The following TC2N variants were observed in gnomAD, a reference collection of about 807,000 sequenced individuals.
The protein encoded by TC2N is tandem C2 domains, nuclear.
TC2N carries 51 observed loss-of-function variants against 61.9 expected under a neutral mutation model. That is an observed-to-expected ratio of 0.82 (90% CI 0.66 to 1.04). The LOEUF (loss-of-function observed/expected upper bound fraction) is 1.04, where lower values mean the gene tolerates loss of function less well. TC2N is among the 50% of genes least tolerant of loss of function. The probability of loss-of-function intolerance (pLI) is 0.00; values close to 1 mark genes in which losing one functional copy is unlikely to be tolerated. For missense variants in TC2N, 556 were observed against 566.7 expected (o/e 0.98, Z 0.19); for synonymous variants, 204 against 192.6 (o/e 1.06, Z -0.49).
intron 1 of TC2N, among the ~76,000 whole-genome samples, chr14:91,820,851 A>G (rs934186738): frequency 3.3e-5 from 5 of 152,078 alleles, no homozygotes; most frequent in African/African-American, 1.2e-4. Context: ...AATTCCATTC[A>G]TAATAACATT....
At chr14:91,811,269 G>A (rs1445941087) in intron 3 of TC2N, among the ~76,000 whole-genome samples, 56 of 152,072 alleles carry the variant, frequency 3.7e-4, no homozygotes. Context: ...ATAGAAGAAT[G>A]GATAGGTAGA....
At chr14:91,821,735 T>G (rs1169288813) in intron 1 of TC2N, among the ~76,000 whole-genome samples, 1 of 152,028 alleles carries the variant, frequency 6.6e-6, no homozygotes, top group Non-Finnish European at 1.5e-5. Context: ...AGAGAAGATA[T>G]TTGCATATCA....
chr14:91,866,647 G>C (rs1888708947), intron 1 of TC2N: 1 of 152,194 alleles, frequency 6.6e-6, no homozygotes, highest in Admixed American at 6.5e-5. Context: ...GTACAAAGCA[G>C]AGGTCACTTG....
chr14:91,794,209 C>T (rs1383456115), intron 8 of TC2N, among the ~76,000 whole-genome samples: 2 of 152,036 alleles, frequency 1.3e-5, no homozygotes, highest in African/African-American at 2.4e-5. Context: ...GGCTGGTTCA[C>T]GAGGTTTAAG....
intron 1 of TC2N, among the ~76,000 whole-genome samples, chr14:91,852,113 A>C (rs1157364817): frequency 6.6e-6 from 1 of 152,228 alleles, no homozygotes; most frequent in African/African-American, 2.4e-5. Flanking sequence ...ACAGTCTCTC[A>C]GCAATAGGCA....
chr14:91,863,949 A>G (rs1020981775), intron 1 of TC2N, among the ~76,000 whole-genome samples: 4 of 151,924 alleles, frequency 2.6e-5, no homozygotes, highest in Non-Finnish European at 5.9e-5. Flanking sequence ...CTATGATTAC[A>G]CCACTACACT....
chr14:91,788,095 A>G (rs2139823626), intron 9 of TC2N, among the ~76,000 whole-genome samples: 1 of 152,150 alleles, frequency 6.6e-6, no homozygotes, highest in South Asian at 2.1e-4. Flanking sequence ...GAAGACAGCA[A>G]TAAACAGATC....
chr14:91,798,980 A>G lies in TC2N; in HGVS notation c.637+9T>C. ...TAAGAGTATAAAAGTAGGATACTTT[A>G]TTCCTTACCCAGGCTTCTGTTACTC... is the stretch of plus-strand genomic sequence containing the variant. On this transcript the variant is annotated intron_variant, in intron 6 of 11. Coordinates refer to ENST00000435962, the MANE Select transcript of TC2N (RefSeq NM_001128596.3). The G allele has an allele frequency of 6.3e-7, 1 of 1,574,932 alleles. No individual in the cohort carries two copies. The highest frequency in any genetic ancestry group is 8.7e-7 in the Non-Finnish European group (1 of 1,150,292).
intron 1 of TC2N, among the ~76,000 whole-genome samples, chr14:91,824,107 G>A (rs1887385319): frequency 6.6e-6 from 1 of 152,080 alleles, no homozygotes; most frequent in Non-Finnish European, 1.5e-5. Context: ...AATGATATGG[G>A]GACATTTAGC....
intron 9 of TC2N, among the ~76,000 whole-genome samples, chr14:91,789,609 T>A (rs113364163): frequency 0.017 from 2,471 of 144,072 alleles, 30 homozygotes; most frequent in Non-Finnish European, 0.025. Context: ...AGACTCCATC[T>A]CAAAAACAAA....
intron 1 of TC2N, chr14:91,836,581 G>GAGGCAAGGCGGGGAGGGGCA (rs1888023218): frequency 2.7e-5 from 4 of 147,234 alleles, no homozygotes; most frequent in African/African-American, 1.1e-4. Context: ...GGGGCGAGGC[G>GAGGCAAGGCGGGGAGGGGCA]AGGCAAGGCG....
intron 1 of TC2N, among the ~76,000 whole-genome samples, chr14:91,851,538 G>A (rs988877254): frequency 6.6e-5 from 10 of 152,140 alleles, no homozygotes; most frequent in African/African-American, 2.4e-4. Flanking sequence ...AATGAAGAAG[G>A]AAGTTTTAAA....
chr14:91,828,574 T>C (rs1887604351), intron 1 of TC2N, among the ~76,000 whole-genome samples: 1 of 152,078 alleles, frequency 6.6e-6, no homozygotes, highest in Admixed American at 6.5e-5. Context: ...AATTTTCCTA[T>C]AATTTTGTAT....
intron 1 of TC2N, among the ~76,000 whole-genome samples, chr14:91,845,046 G>A (rs951931622): frequency 6.6e-5 from 10 of 151,974 alleles, no homozygotes; most frequent in African/African-American, 2.4e-4. Context: ...AGACCAGCCT[G>A]GCCAACATGG....
At chr14:91,792,309 C>A in intron 9 of TC2N, 58 bp downstream of exon 9, 1 of 1,158,120 alleles carries the variant, frequency 8.6e-7, no homozygotes, top group Non-Finnish European at 1.2e-6. Flanking sequence ...AAACAAAAGC[C>A]CATCCACCAA....
At chr14:91,821,615 A>G (rs1887258544) in intron 1 of TC2N, among the ~76,000 whole-genome samples, 1 of 152,048 alleles carries the variant, frequency 6.6e-6, no homozygotes, top group African/African-American at 2.4e-5. Context: ...ACACAACACC[A>G]AAAGCACACA....
intron 1 of TC2N, among the ~76,000 whole-genome samples, chr14:91,850,357 G>GA (rs530297767): frequency 1.3e-3 from 196 of 152,248 alleles, no homozygotes; most frequent in African/African-American, 3.6e-3. Context: ...GTGAATGAAA[G>GA]AAAAAACACA....
chr14:91,805,677 T>A (rs1886477385), intron 3 of TC2N, among the ~76,000 whole-genome samples: 1 of 151,792 alleles, frequency 6.6e-6, no homozygotes, highest in African/African-American at 2.4e-5. Flanking sequence ...AAAAAAAAAG[T>A]TTATACAGTA....
At chr14:91,802,159 T>C in intron 4 of TC2N, 95 bp downstream of exon 4, 1 of 1,146,988 alleles carries the variant, frequency 8.7e-7, no homozygotes, top group East Asian at 2.9e-5. Context: ...AAAATGCTTT[T>C]AATAGTAAAA....
Sources: gnomAD v4.1 joint callset for allele counts (sites outside exome capture counted in the v4.1 genomes callset) on GRCh38, gnomAD v4.1.1 for gene constraint, MANE v1.5 for transcripts, NCBI Gene and HGNC (gene_info 2026-07-23, HGNC 2026-07-21) for gene names.